IMMP2L: variants seen among roughly 807,000 people sequenced by gnomAD.
The protein encoded by IMMP2L is mitochondrial inner membrane protease subunit 2.
In IMMP2L, 18 loss-of-function variants were observed where a neutral mutation model predicts 19.3. The ratio of observed to expected loss-of-function variants is 0.93; its 90% CI spans 0.64 to 1.38. IMMP2L has a LOEUF of 1.38. IMMP2L is among the 40% of genes most tolerant of loss of function. IMMP2L has a pLI of 0.00. For missense variants in IMMP2L, 233 were observed against 218.2 expected (o/e 1.07, Z -0.43); for synonymous variants, 76 against 73.0 (o/e 1.04, Z -0.21).
chr7:111,423,254 C>T (rs1437003391), intron 3 of IMMP2L, among the ~76,000 whole-genome samples: 1 of 151,870 alleles, frequency 6.6e-6, no homozygotes, highest in Non-Finnish European at 1.5e-5. Context: ...AGGATTCCCT[C>T]TTTTTCTATT....
At chr7:110,665,689 A>G (rs530831050) in intron 5 of IMMP2L, among the ~76,000 whole-genome samples, 1 of 152,276 alleles carries the variant, frequency 6.6e-6, no homozygotes, top group Non-Finnish European at 1.5e-5. Flanking sequence ...GTCAAGTTCC[A>G]TCAAATCAGG....
intron 3 of IMMP2L, chr7:111,483,527 T>C (rs574110654): frequency 2.6e-5 from 4 of 152,244 alleles, no homozygotes; most frequent in South Asian, 4.1e-4. Flanking sequence ...CTGAATAACA[T>C]ACTTAAACAA....
intron 5 of IMMP2L, among the ~76,000 whole-genome samples, chr7:110,822,188 C>A (rs925706045): frequency 1.3e-5 from 2 of 152,088 alleles, no homozygotes; most frequent in Non-Finnish European, 2.9e-5. Flanking sequence ...TTACCTGAAT[C>A]AGAAATCTGG....
intron 1 of IMMP2L, among the ~76,000 whole-genome samples, chr7:111,556,036 A>ATATATATATATATAT (rs771965188): frequency 7.6e-6 from 1 of 132,442 alleles, no homozygotes; most frequent in Non-Finnish European, 1.6e-5. Context: ...ATATATATAT[A>ATATATATATATATAT]CATACCCAAA....
At chr7:110,715,854 G>A (rs1795202567) in intron 5 of IMMP2L, among the ~76,000 whole-genome samples, 1 of 152,018 alleles carries the variant, frequency 6.6e-6, no homozygotes, top group South Asian at 2.1e-4. Flanking sequence ...TACTGTCAAT[G>A]GGATGTTAAA....
chr7:111,205,877 C>A (rs1992329168), intron 3 of IMMP2L, among the ~76,000 whole-genome samples: 1 of 152,096 alleles, frequency 6.6e-6, no homozygotes, highest in South Asian at 2.1e-4. Flanking sequence ...GGGGCGAGTT[C>A]ATTTGTGACC....
At chr7:111,009,505 C>A (rs188635758) in intron 3 of IMMP2L, among the ~76,000 whole-genome samples, 1 of 151,816 alleles carries the variant, frequency 6.6e-6, no homozygotes, top group Non-Finnish European at 1.5e-5. Flanking sequence ...TAAAAAAATG[C>A]CAATAATGAT....
At chr7:111,356,081 A>G (rs1828670126) in intron 3 of IMMP2L, among the ~76,000 whole-genome samples, 1 of 152,032 alleles carries the variant, frequency 6.6e-6, no homozygotes, top group Admixed American at 6.6e-5. Context: ...ATTTAAATTT[A>G]GAAAATTAAA....
Position 111,075,348 on chromosome 7 carries a change from G to A in IMMP2L, c.240-111783C>T, listed in dbSNP as rs143582117. On this transcript the variant is annotated intron_variant, in intron 3 of 5. Transcript: ENST00000405709. ...TCACCATGTTGGCCAGGCTGGTCTC[G>A]AACTCCTGAACTCAACTGATCCAAC... Among the ~76,000 whole-genome samples the A allele has an allele frequency of 9.7e-3, 1,473 of 151,928 alleles. 25 individuals carry two copies. Among genetic ancestry groups the A allele is most frequent in the African/African-American group, 0.033 (1,367 of 41,422 alleles).
At chr7:110,985,967 T>C (rs923254244) in intron 3 of IMMP2L, among the ~76,000 whole-genome samples, 2 of 152,150 alleles carry the variant, frequency 1.3e-5, no homozygotes, top group Non-Finnish European at 2.9e-5. Context: ...CATAGGAAGC[T>C]CACTAGGAAT....
intron 5 of IMMP2L, among the ~76,000 whole-genome samples, chr7:110,834,198 A>G (rs1263561309): frequency 6.6e-6 from 1 of 152,162 alleles, no homozygotes; most frequent in Admixed American, 6.6e-5. Flanking sequence ...TCTTAAATGT[A>G]GTTTTAAAAC....
At chr7:111,037,517 T>C (rs888050081) in intron 3 of IMMP2L, among the ~76,000 whole-genome samples, 2 of 152,180 alleles carry the variant, frequency 1.3e-5, no homozygotes, top group African/African-American at 4.8e-5. Context: ...AAGCCAAGCT[T>C]CTTTGTAGTA....
At chr7:110,670,306 T>C (rs1184692987) in intron 5 of IMMP2L, among the ~76,000 whole-genome samples, 2 of 152,186 alleles carry the variant, frequency 1.3e-5, no homozygotes, top group African/African-American at 4.8e-5. Context: ...AGTTCCAGAA[T>C]TGTCAGAAAA....
At chr7:111,427,555 G>T (rs1378966977) in intron 3 of IMMP2L, among the ~76,000 whole-genome samples, 3 of 151,778 alleles carry the variant, frequency 2.0e-5, no homozygotes, top group African/African-American at 7.3e-5. Context: ...GAAATAGAAA[G>T]AAGTGAGAAT....
intron 3 of IMMP2L, among the ~76,000 whole-genome samples, chr7:111,388,155 G>T (rs1260856424): frequency 6.6e-6 from 1 of 151,868 alleles, no homozygotes; most frequent in Non-Finnish European, 1.5e-5. Context: ...GAAGTATCTG[G>T]GCCAGTTACC....
intron 5 of IMMP2L, among the ~76,000 whole-genome samples, chr7:110,685,534 C>T (rs1793052301): frequency 6.6e-6 from 1 of 152,034 alleles, no homozygotes; most frequent in East Asian, 1.9e-4. Flanking sequence ...CCATTATTAA[C>T]AGTTAATGGT....
intron 5 of IMMP2L, among the ~76,000 whole-genome samples, chr7:110,884,990 A>C (rs1585136421): frequency 2.0e-5 from 3 of 152,182 alleles, no homozygotes; most frequent in African/African-American, 7.2e-5. Flanking sequence ...TAGTGACAGC[A>C]GGAGTGTGCC....
chr7:111,556,374 C>A (rs1200250952), intron 1 of IMMP2L, among the ~76,000 whole-genome samples: 1 of 151,892 alleles, frequency 6.6e-6, no homozygotes, highest in Non-Finnish European at 1.5e-5. Context: ...ACTACAGTAA[C>A]CATTTTACTA....
chr7:110,996,202 A>G (rs536655093), intron 3 of IMMP2L, among the ~76,000 whole-genome samples: 1 of 152,290 alleles, frequency 6.6e-6, no homozygotes, highest in East Asian at 1.9e-4. Context: ...CCTAGTTCGG[A>G]AAATCAGGGA....
Sources: allele counts gnomAD v4.1 joint callset (sites outside exome capture counted in the v4.1 genomes callset), GRCh38; gene constraint gnomAD v4.1.1; transcripts MANE v1.5; gene names NCBI Gene and HGNC (gene_info 2026-07-23, HGNC 2026-07-21).